Variants in CATSPERB observed in about 807,000 individuals in gnomAD.
CATSPERB encodes the protein catsper channel auxiliary subunit beta, also known as cation channel sperm-associated auxiliary subunit beta.
In CATSPERB, 93 loss-of-function variants were observed where a neutral mutation model predicts 128.3. The observed-to-expected ratio is 0.72, with a 90% CI of 0.61 to 0.86. CATSPERB has a LOEUF of 0.86. CATSPERB is among the 40% of genes least tolerant of loss of function. CATSPERB has a pLI of 0.00. For missense variants in CATSPERB, 1,153 were observed against 1,329.5 expected, an observed-to-expected ratio of 0.87 and a Z score of 2.06; for synonymous variants, 381 against 448.8, an observed-to-expected ratio of 0.85 and a Z score of 1.91.
rs1458381680 is a variant in CATSPERB, at chr14:91,621,892, A to C, written c.1976T>G (p.Val659Gly). 1.9e-6 allele frequency: 3 copies of C among 1,613,286 alleles called. No individual in the cohort carries two copies. The East Asian group carries it at 6.7e-5, about 36-fold the overall frequency. The change falls in exon 19 of 27, where the codon GTG becomes GGG. Residue 659 changes from valine to glycine, a missense_variant. Physicochemically the swap from Val to Gly is moderately radical, Grantham distance 109. Transcript: ENST00000256343. ...GAGGAAGCTGCTGTACCCGGGAAGC[A>C]CTACAGTCTTCTCTATATCTGTATC... is the stretch of plus-strand genomic sequence containing the variant. Reference protein sequence around the residue: ...FEDTDIEKTVVLPGYSSFLIT... With the variant: ...FEDTDIEKTVGLPGYSSFLIT...
intron 23 of CATSPERB, among the ~76,000 whole-genome samples, chr14:91,590,500 C>T (rs539714135): frequency 2.0e-5 from 3 of 152,022 alleles, no homozygotes; most frequent in South Asian, 2.1e-4. Context: ...CATTACACTC[C>T]GACCTGGGCG....
intron 14 of CATSPERB, among the ~76,000 whole-genome samples, chr14:91,665,734 G>A (rs956546558): frequency 6.6e-6 from 1 of 152,088 alleles, no homozygotes; most frequent in African/African-American, 2.4e-5. Flanking sequence ...GCTGGGTGTG[G>A]TGGCAGGTGC....
intron 14 of CATSPERB, among the ~76,000 whole-genome samples, chr14:91,664,225 C>T (rs561154703): frequency 1.1e-3 from 158 of 150,250 alleles, no homozygotes; most frequent in African/African-American, 3.6e-3. Flanking sequence ...TAGTTTCTTT[C>T]CCTTAGTAAT....
chr14:91,729,814 C>T (rs1896184294), intron 1 of CATSPERB, among the ~76,000 whole-genome samples: 1 of 152,176 alleles, frequency 6.6e-6, no homozygotes, highest in African/African-American at 2.4e-5. Context: ...GATGATACAG[C>T]TGTAACTTAA....
At chr14:91,687,586 T>C (rs1413986569) in intron 10 of CATSPERB, among the ~76,000 whole-genome samples, 1 of 152,172 alleles carries the variant, frequency 6.6e-6, no homozygotes, top group Non-Finnish European at 1.5e-5. Context: ...AATAAATTTC[T>C]GTTCTGTATA....
In CATSPERB at chr14:91,615,005, A is replaced by G. The variant is rs572613450; in HGVS notation, c.2400+2592T>C. Reference sequence around the variant, plus strand: ...CTCTCTTAGCAATTCTGAAACGTACAATACTATATTATTAACTATATTCAC... The same window carrying G: ...CTCTCTTAGCAATTCTGAAACGTACGATACTATATTATTAACTATATTCAC... On this transcript the variant is annotated intron_variant, in intron 20 of 26. Transcript: ENST00000256343. Among the ~76,000 whole-genome samples, 6 of 152,296 alleles carry G rather than the reference A, an allele frequency of 3.9e-5. No homozygotes were observed. The East Asian group carries it at 9.6e-4, about 24-fold the overall frequency.
rs1001419276 is a variant in CATSPERB, at chr14:91,605,217, A to G, written c.2709+3077T>C. 9.6e-6 allele frequency: 15 copies of G among 1,557,724 alleles called. No homozygotes were observed. The Admixed American group carries it at 2.5e-4, about 26-fold the overall frequency. On this transcript the variant is annotated intron_variant, in intron 22 of 26. Transcript: ENST00000256343. ...GCAGAAGACATTTGCAAGGATGGATAGTTTTCTTCAGGCCCACAAATCACA... is the reference window on the plus strand; with the variant it reads ...GCAGAAGACATTTGCAAGGATGGATGGTTTTCTTCAGGCCCACAAATCACA...
intron 15 of CATSPERB, 85 bp downstream of exon 15, chr14:91,659,752 A>T: frequency 7.7e-7 from 1 of 1,300,856 alleles, no homozygotes; most frequent in Non-Finnish European, 1.1e-6. Flanking sequence ...TCTTAGGATT[A>T]GTTGATTAAT....
intron 10 of CATSPERB, among the ~76,000 whole-genome samples, chr14:91,690,406 G>T (rs1464716767): frequency 6.6e-6 from 1 of 152,050 alleles, no homozygotes; most frequent in Non-Finnish European, 1.5e-5. Context: ...CATAGACAGG[G>T]CTCCTGCTCT....
At chr14:91,589,497 A>G (rs763013778) in intron 24 of CATSPERB, 37 bp downstream of exon 24, 23 of 1,585,974 alleles carry the variant, frequency 1.5e-5, no homozygotes, top group Non-Finnish European at 1.9e-5. Flanking sequence ...AATATTACTT[A>G]TCAGATAAAA....
At chr14:91,660,673 T>A (rs1034369896) in intron 14 of CATSPERB, among the ~76,000 whole-genome samples, 7 of 152,202 alleles carry the variant, frequency 4.6e-5, no homozygotes, top group Non-Finnish European at 8.8e-5. Context: ...AAAAATTAAT[T>A]TTAATAACAA....
intron 9 of CATSPERB, 77 bp downstream of exon 9, chr14:91,693,049 C>T: frequency 9.8e-7 from 1 of 1,022,950 alleles, no homozygotes; most frequent in South Asian, 1.4e-5. Context: ...CCACACATAA[C>T]TCAAGTATTA....
At chr14:91,596,349 G>A (rs1034178451) in intron 22 of CATSPERB, among the ~76,000 whole-genome samples, 8 of 151,864 alleles carry the variant, frequency 5.3e-5, no homozygotes, top group East Asian at 1.9e-4. Flanking sequence ...GACTACAGGC[G>A]CCTGCCACCA....
Position 91,728,895 on chromosome 14 carries a change from A to G in CATSPERB, c.79+506T>C, listed in dbSNP as rs560513243. ...TCATTGCCCTATTCACAGTTATACA[A>G]CCACAACAGTCCCCCTTTTTCTGTG... is the stretch of plus-strand genomic sequence containing the variant. On this transcript the variant is annotated intron_variant, in intron 2 of 26. Coordinates refer to ENST00000256343, the MANE Select transcript of CATSPERB (RefSeq NM_024764.4). 6.5e-4 allele frequency among the ~76,000 whole-genome samples: 99 copies of G among 152,236 alleles called. 1 individual carries two copies. Among genetic ancestry groups the G allele is most frequent in the Non-Finnish European group, 1.3e-3 (86 of 68,040 alleles).
At chr14:91,584,034 C>A (rs1332427690) in intron 26 of CATSPERB, among the ~76,000 whole-genome samples, 3 of 152,072 alleles carry the variant, frequency 2.0e-5, no homozygotes, top group African/African-American at 7.2e-5. Flanking sequence ...AGTCATGTGT[C>A]ACCAGGTCTG....
At chr14:91,671,188 C>T (rs532743118) in intron 13 of CATSPERB, among the ~76,000 whole-genome samples, 1 of 152,304 alleles carries the variant, frequency 6.6e-6, no homozygotes, top group South Asian at 2.1e-4. Flanking sequence ...TAAATAAAAC[C>T]TGTCCCAAAT....
intron 22 of CATSPERB, chr14:91,604,495 A>T (rs1279634136): frequency 6.3e-7 from 1 of 1,599,750 alleles, no homozygotes; most frequent in Non-Finnish European, 8.5e-7. Context: ...GCTGTATTAC[A>T]TTATGGCCTT....
At chr14:91,652,978 T>A (rs948708323) in intron 15 of CATSPERB, among the ~76,000 whole-genome samples, 4 of 152,154 alleles carry the variant, frequency 2.6e-5, no homozygotes, top group Non-Finnish European at 5.9e-5. Context: ...AGAAATAGCA[T>A]CAGGATTTTG....
chr14:91,594,899 T>G (rs990676959), intron 22 of CATSPERB, among the ~76,000 whole-genome samples: 5 of 152,186 alleles, frequency 3.3e-5, no homozygotes, highest in African/African-American at 1.2e-4. Context: ...TGGCTTCAGT[T>G]TGCAGGGTTT....
Sources: allele counts gnomAD v4.1 joint callset (sites outside exome capture counted in the v4.1 genomes callset), GRCh38; gene constraint gnomAD v4.1.1; transcripts MANE v1.5; gene names NCBI Gene and HGNC (gene_info 2026-07-23, HGNC 2026-07-21).